WDFY3: variants seen among roughly 807,000 people sequenced by gnomAD.
The protein encoded by WDFY3 is WD repeat and FYVE domain-containing protein 3.
WDFY3 carries 66 observed loss-of-function variants against 409.6 expected under a neutral mutation model. The ratio of observed to expected loss-of-function variants is 0.16; its 90% CI spans 0.13 to 0.20. WDFY3 has a LOEUF of 0.20. WDFY3 is among the 10% of genes least tolerant of loss of function. The pLI, the probability that WDFY3 is intolerant of heterozygous loss-of-function variation, is 1.00. For synonymous variants in WDFY3, 1,521 were observed against 1,537.1 expected, an observed-to-expected ratio of 0.99 and a Z score of 0.25; for missense variants, 3,031 against 4,298.1, an observed-to-expected ratio of 0.71 and a Z score of 8.24.
chr4:84,787,777 C>T, intron 22 of WDFY3, 64 bp from the exon 23 acceptor site: 1 of 1,356,098 alleles, frequency 7.4e-7, no homozygotes, highest in East Asian at 2.4e-5. Context: ...ATAACTACTT[C>T]AGCATATGTA....
intron 32 of WDFY3, among the ~76,000 whole-genome samples, chr4:84,757,588 AT>A (rs1168417654): frequency 6.6e-6 from 1 of 152,156 alleles, no homozygotes; most frequent in Non-Finnish European, 1.5e-5. Context: ...ATATATTTTT[AT>A]TTTTTTGAGA....
At chr4:84,852,250 C>G (rs116069128) in intron 4 of WDFY3, among the ~76,000 whole-genome samples, 1 of 152,118 alleles carries the variant, frequency 6.6e-6, no homozygotes, top group Non-Finnish European at 1.5e-5. Context: ...ATACACTGGA[C>G]AAAGGAATAA....
intron 3 of WDFY3, among the ~76,000 whole-genome samples, chr4:84,871,046 T>C (rs924139037): frequency 6.6e-6 from 1 of 152,108 alleles, no homozygotes; most frequent in Admixed American, 6.6e-5. Context: ...ACAGCATATT[T>C]AAAGTAATAA....
intron 38 of WDFY3, among the ~76,000 whole-genome samples, chr4:84,741,205 T>C (rs1738348139): frequency 6.6e-6 from 1 of 152,158 alleles, no homozygotes; most frequent in Non-Finnish European, 1.5e-5. Flanking sequence ...TATTAAGGTA[T>C]TTAAATCTAT....
At chr4:84,689,994 T>C (rs1357678804) in intron 61 of WDFY3, among the ~76,000 whole-genome samples, 1 of 152,164 alleles carries the variant, frequency 6.6e-6, no homozygotes, top group African/African-American at 2.4e-5. Flanking sequence ...TAAGTAAAAA[T>C]TAATAATAGA....
At chr4:84,913,754 CAA>C (rs879931090) in intron 2 of WDFY3, among the ~76,000 whole-genome samples, 11 of 130,710 alleles carry the variant, frequency 8.4e-5, no homozygotes, top group Admixed American at 7.5e-5. Flanking sequence ...AGAAATAAAG[CAA>C]AAAAAAAAAA....
chr4:84,810,157 A>C lies in WDFY3; in HGVS notation c.2075T>G (p.Leu692Trp). 1.9e-6 allele frequency: 3 copies of C among 1,614,168 alleles called. No individual in the cohort carries two copies. Among genetic ancestry groups the C allele is most frequent in the Non-Finnish European group, 2.5e-6 (3 of 1,180,002 alleles). The change falls in exon 14 of 68, where the codon TTG becomes TGG. Residue 692 changes from leucine to tryptophan, a missense_variant. Physicochemically the swap from Leu to Trp is moderately conservative, Grantham distance 61. This residue lies in a region of WDFY3 where 1,322 missense variants were observed against 1,697.9 expected (regional missense o/e 0.78). Transcript: ENST00000295888. The part of the protein sequence containing the change: ...FELLHTVFCT[L>W]TAAMRYEPAN... ...TGGCTCATAGCGCATTGCTGCAGTC[A>C]ACGTGCAGAACACAGTGTGAAGAAG...
At chr4:84,814,254 C>A (rs142961501) in intron 13 of WDFY3, among the ~76,000 whole-genome samples, 125 of 152,242 alleles carry the variant, frequency 8.2e-4, no homozygotes, top group African/African-American at 2.7e-3. Flanking sequence ...CAAAGAAATG[C>A]ACACAACAAA....
intron 3 of WDFY3, among the ~76,000 whole-genome samples, chr4:84,867,088 T>C (rs920332744): frequency 6.6e-6 from 1 of 152,236 alleles, no homozygotes; most frequent in African/African-American, 2.4e-5. Context: ...TCTTTCCTCA[T>C]GAACTTTTTA....
chr4:84,838,226 A>G (rs753132832), intron 6 of WDFY3, among the ~76,000 whole-genome samples: 4 of 152,188 alleles, frequency 2.6e-5, no homozygotes, highest in Non-Finnish European at 5.9e-5. Flanking sequence ...TAAGGCTAAT[A>G]AGCACTTTAC....
At chr4:84,870,788 A>G (rs1282675204) in intron 3 of WDFY3, among the ~76,000 whole-genome samples, 3 of 152,158 alleles carry the variant, frequency 2.0e-5, no homozygotes, top group Non-Finnish European at 2.9e-5. Context: ...TTGGAAGGTC[A>G]CAGCCCAGAG....
At chr4:84,770,096 T>G (rs1744401759) in intron 30 of WDFY3, among the ~76,000 whole-genome samples, 1 of 152,050 alleles carries the variant, frequency 6.6e-6, no homozygotes, top group Admixed American at 6.6e-5. Flanking sequence ...TGGCGTGATC[T>G]CTGCTCACTG....
intron 3 of WDFY3, among the ~76,000 whole-genome samples, 172 bp downstream of exon 3, chr4:84,896,739 C>T (rs926791516): frequency 6.6e-6 from 1 of 152,124 alleles, no homozygotes; most frequent in Non-Finnish European, 1.5e-5. Flanking sequence ...GATACATTTT[C>T]TATTTCCTAA....
chr4:84,865,033 CA>C, intron 3 of WDFY3, among the ~76,000 whole-genome samples: 1 of 152,084 alleles, frequency 6.6e-6, no homozygotes, highest in Non-Finnish European at 1.5e-5. Context: ...GGGATGACAG[CA>C]TGCACCACCA....
At chr4:84,690,194 A>G (rs1463262185) in intron 61 of WDFY3, among the ~76,000 whole-genome samples, 1 of 152,208 alleles carries the variant, frequency 6.6e-6, no homozygotes, top group African/African-American at 2.4e-5. Context: ...GTCAATAGCA[A>G]ACATAATTCA....
At chr4:84,796,866 T>A in intron 18 of WDFY3, 114 bp from the exon 19 acceptor site, 4 of 811,064 alleles carry the variant, frequency 4.9e-6, no homozygotes, top group Admixed American at 2.9e-5. Context: ...AATTTTTTTT[T>A]AAGTGCCAAG....
intron 1 of WDFY3, among the ~76,000 whole-genome samples, chr4:84,953,584 AG>A (rs1773882549): frequency 6.6e-6 from 1 of 152,226 alleles, no homozygotes; most frequent in South Asian, 2.1e-4. Flanking sequence ...AATACATGCT[AG>A]GGAAGTCATA....
intron 6 of WDFY3, among the ~76,000 whole-genome samples, chr4:84,837,469 C>A (rs761976366): frequency 6.6e-6 from 1 of 152,156 alleles, no homozygotes; most frequent in South Asian, 2.1e-4. Flanking sequence ...ATGATACACC[C>A]TTCTCATGGC....
At chr4:84,944,194 T>C (rs1374809710) in intron 1 of WDFY3, among the ~76,000 whole-genome samples, 1 of 152,146 alleles carries the variant, frequency 6.6e-6, no homozygotes, top group Non-Finnish European at 1.5e-5. Context: ...TATTTATTAG[T>C]CTTTAATTAT....
Sources: gnomAD v4.1 joint callset for allele counts (sites outside exome capture counted in the v4.1 genomes callset) on GRCh38, gnomAD v4.1.1 for gene constraint, gnomAD v4.1.1 regional missense constraint, MANE v1.5 for transcripts, NCBI Gene and HGNC (gene_info 2026-07-23, HGNC 2026-07-21) for gene names.